The following TPRG1 variants were observed in gnomAD, a reference collection of about 807,000 sequenced individuals.
TPRG1 encodes the protein tumor protein p63 regulated 1.
In TPRG1, 29 loss-of-function variants were observed where a neutral mutation model predicts 29.3. The observed-to-expected ratio is 0.99, with a 90% CI of 0.74 to 1.35. The LOEUF (loss-of-function observed/expected upper bound fraction) is 1.35, where lower values mean the gene tolerates loss of function less well. Ranked by LOEUF, TPRG1 falls within the 40% of genes most tolerant of loss-of-function variation. The pLI, the probability that TPRG1 is intolerant of heterozygous loss-of-function variation, is 0.00. For synonymous variants in TPRG1, 130 were observed against 116.8 expected, an observed-to-expected ratio of 1.11 and a Z score of -0.73; for missense variants, 327 against 335.0, an observed-to-expected ratio of 0.98 and a Z score of 0.19.
chr3:189,242,023 CTATAAT>C (rs1740691262), intron 4 of TPRG1, among the ~76,000 whole-genome samples: 3 of 152,018 alleles, frequency 2.0e-5, no homozygotes, highest in East Asian at 3.8e-4. Flanking sequence ...TTTCTCCATA[CTATAAT>C]TATAAAGTAA....
intron 1 of TPRG1, chr3:189,121,251 C>A (rs1265655592): frequency 6.6e-6 from 1 of 152,170 alleles, no homozygotes; most frequent in Non-Finnish European, 1.5e-5. Context: ...GTGGCAGAGA[C>A]AATGCCCTGT....
intron 4 of TPRG1, among the ~76,000 whole-genome samples, chr3:189,239,879 G>C (rs1740234698): frequency 6.6e-6 from 1 of 152,120 alleles, no homozygotes; most frequent in African/African-American, 2.4e-5. Flanking sequence ...GCTGAATTAG[G>C]TAAGTTCCTG....
intron 4 of TPRG1, among the ~76,000 whole-genome samples, chr3:189,066,503 A>G (rs2152147619): frequency 6.6e-6 from 1 of 152,246 alleles, no homozygotes; most frequent in African/African-American, 2.4e-5. Flanking sequence ...GGATGCAAGG[A>G]TGCTCCAAAA....
At chr3:189,069,025 C>T (rs185264418) in intron 4 of TPRG1, among the ~76,000 whole-genome samples, 1 of 152,138 alleles carries the variant, frequency 6.6e-6, no homozygotes, top group Admixed American at 6.5e-5. Context: ...AAATGAAGAC[C>T]TATGTTTACA....
At chr3:189,253,166 G>A (rs1276850271) in intron 4 of TPRG1, among the ~76,000 whole-genome samples, 1 of 152,058 alleles carries the variant, frequency 6.6e-6, no homozygotes, top group Non-Finnish European at 1.5e-5. Flanking sequence ...ATCTACATTA[G>A]GTATTTCTCT....
chr3:189,039,298 T>A (rs1028185214), intron 4 of TPRG1, among the ~76,000 whole-genome samples: 1 of 152,178 alleles, frequency 6.6e-6, no homozygotes, highest in African/African-American at 2.4e-5. Context: ...AAAGGTTACT[T>A]CCATTCCACC....
intron 4 of TPRG1, among the ~76,000 whole-genome samples, chr3:189,045,987 A>G (rs1357922797): frequency 1.3e-5 from 2 of 152,220 alleles, no homozygotes; most frequent in Admixed American, 6.5e-5. Flanking sequence ...CAGCAGGAAG[A>G]TGTTACTCAA....
chr3:189,020,210 G>A (rs1273241345), intron 3 of TPRG1, among the ~76,000 whole-genome samples: 1 of 149,670 alleles, frequency 6.7e-6, no homozygotes, highest in African/African-American at 2.4e-5. Flanking sequence ...TTTTTGAAGG[G>A]TTTTTTGTGT....
intron 3 of TPRG1, among the ~76,000 whole-genome samples, chr3:189,139,937 A>C (rs1163699103): frequency 6.6e-6 from 1 of 152,172 alleles, no homozygotes; most frequent in Non-Finnish European, 1.5e-5. Context: ...AACCCTAAAA[A>C]ACCACTAAAG....
chr3:189,250,498 A>G (rs1200688425), intron 4 of TPRG1, among the ~76,000 whole-genome samples: 7 of 35,334 alleles, frequency 2.0e-4, no homozygotes, highest in Non-Finnish European at 2.4e-4. Flanking sequence ...ACAAGTTCTG[A>G]TTTCCGCCCC....
At chr3:189,298,924 G>T (rs79424496) in intron 4 of TPRG1, among the ~76,000 whole-genome samples, 4,958 of 152,212 alleles carry the variant, frequency 0.033, 183 homozygotes, top group African/African-American at 0.087. Context: ...CAGACCCATG[G>T]TTTCCTCAAG....
rs1365742331 is a variant in TPRG1, at chr3:189,321,530, T to C, written c.*710T>C. 6.6e-6 allele frequency: 1 copy of C among 152,052 alleles called. No individual in the cohort carries two copies. Among genetic ancestry groups the C allele is most frequent in the Non-Finnish European group, 1.5e-5 (1 of 67,996 alleles). 9.4% of individuals were successfully genotyped at this position (152,052 alleles called of 1,614,324 possible). ...CAGATGTCAAACTTGAAGCTCATTCTCTTATCAAAATTGTTCATGTATTCC... is the reference window on the plus strand; with the variant it reads ...CAGATGTCAAACTTGAAGCTCATTCCCTTATCAAAATTGTTCATGTATTCC... On this transcript the variant is annotated 3_prime_UTR_variant, in exon 6 of 6. Coordinates refer to ENST00000345063, the MANE Select transcript of TPRG1 (RefSeq NM_198485.4).
chr3:189,258,458 TC>T (rs1362411974), intron 4 of TPRG1, among the ~76,000 whole-genome samples: 1 of 152,082 alleles, frequency 6.6e-6, no homozygotes, highest in African/African-American at 2.4e-5. Context: ...TGGACGTGTC[TC>T]CCCATCAGGA....
chr3:189,192,394 G>A (rs915226772), intron 1 of TPRG1, among the ~76,000 whole-genome samples: 6 of 152,116 alleles, frequency 3.9e-5, no homozygotes, highest in African/African-American at 1.4e-4. Context: ...TTGGTGCTAA[G>A]GATACCATAG....
upstream of TPRG1, among the ~76,000 whole-genome samples, chr3:189,095,475 C>T (rs971436266): frequency 2.6e-5 from 4 of 152,142 alleles, no homozygotes; most frequent in East Asian, 1.9e-4. Flanking sequence ...AAGACAGAGT[C>T]CCTGCCCTTC....
At chr3:189,243,396 G>T (rs986613751) in intron 4 of TPRG1, among the ~76,000 whole-genome samples, 34 of 152,250 alleles carry the variant, frequency 2.2e-4, no homozygotes, top group African/African-American at 7.7e-4. Flanking sequence ...AGTCCTCCTA[G>T]GCCTCAGGAC....
chr3:189,175,645 G>A (rs1283787367), intron 1 of TPRG1, among the ~76,000 whole-genome samples: 3 of 152,158 alleles, frequency 2.0e-5, no homozygotes, highest in African/African-American at 7.2e-5. Flanking sequence ...AAAAAGAACA[G>A]GATTAAGTTG....
chr3:189,268,377 A>C (rs986735210), intron 4 of TPRG1, among the ~76,000 whole-genome samples: 1 of 152,048 alleles, frequency 6.6e-6, no homozygotes, highest in Non-Finnish European at 1.5e-5. Flanking sequence ...AAATACCACA[A>C]TCCTGTTATT....
intron 3 of TPRG1, among the ~76,000 whole-genome samples, chr3:189,233,128 CTATT>C (rs1181177453): frequency 2.6e-5 from 4 of 151,366 alleles, no homozygotes; most frequent in East Asian, 3.9e-4. Flanking sequence ...GGAATAGTAA[CTATT>C]TAATATAAAG....
Sources: gnomAD v4.1 joint callset for allele counts (sites outside exome capture counted in the v4.1 genomes callset) on GRCh38, gnomAD v4.1.1 for gene constraint, MANE v1.5 for transcripts, NCBI Gene and HGNC (gene_info 2026-07-23, HGNC 2026-07-21) for gene names.